The following PIGL variants were observed in gnomAD, a reference collection of about 807,000 sequenced individuals.
PIGL encodes phosphatidylinositol glycan anchor biosynthesis class L.
In PIGL, 22 loss-of-function variants were observed where a neutral mutation model predicts 31.1. The observed-to-expected ratio is 0.71, with a 90% CI of 0.51 to 1.01. PIGL has a LOEUF of 1.01. Among genes scored for constraint, PIGL ranks in the 50% least tolerant of loss-of-function variants. The pLI is 0.00. For missense variants in PIGL, 302 were observed against 315.9 expected, an observed-to-expected ratio of 0.96 and a Z score of 0.33; for synonymous variants, 131 against 117.4, an observed-to-expected ratio of 1.12 and a Z score of -0.75.
intron 2 of PIGL, among the ~76,000 whole-genome samples, chr17:16,289,910 G>C (rs553892069): frequency 6.6e-6 from 1 of 152,028 alleles, no homozygotes; most frequent in Admixed American, 6.6e-5. Context: ...CCAAGTAGCT[G>C]GGATTACAGG....
chr17:16,266,215 G>C (rs1600799680), intron 2 of PIGL, among the ~76,000 whole-genome samples: 1 of 151,918 alleles, frequency 6.6e-6, no homozygotes, highest in Non-Finnish European at 1.5e-5. Context: ...AGTGGTTCAA[G>C]AGCAGCCTGG....
At chr17:16,224,469 G>A (rs2092643141) in intron 1 of PIGL, among the ~76,000 whole-genome samples, 1 of 151,680 alleles carries the variant, frequency 6.6e-6, no homozygotes, top group African/African-American at 2.4e-5. Context: ...ACCACGCCCA[G>A]CTAATTTTTG....
chr17:16,305,682 C>T (rs2093023392), intron 3 of PIGL, among the ~76,000 whole-genome samples: 1 of 152,178 alleles, frequency 6.6e-6, no homozygotes, highest in Non-Finnish European at 1.5e-5. Flanking sequence ...ACTGCCTGCC[C>T]TCCAGCACCC....
intron 1 of PIGL, 183 bp downstream of exon 1, chr17:16,217,644 G>A: frequency 4.6e-5 from 24 of 520,342 alleles, no homozygotes; most frequent in South Asian, 2.5e-4. Flanking sequence ...GTGGGTTGGG[G>A]GACGTCGGCA....
intron 2 of PIGL, among the ~76,000 whole-genome samples, chr17:16,235,095 C>A (rs2092694280): frequency 6.6e-6 from 1 of 152,162 alleles, no homozygotes; most frequent in African/African-American, 2.4e-5. Context: ...CCCCAAGGTA[C>A]TTAGGTCTGC....
At chr17:16,223,723 GAAAAA>G (rs75822181) in intron 1 of PIGL, among the ~76,000 whole-genome samples, 2 of 132,616 alleles carry the variant, frequency 1.5e-5, no homozygotes, top group Non-Finnish European at 3.3e-5. Context: ...ATTTAAAAAA[GAAAAA>G]AAAAAAAGAA....
intron 2 of PIGL, among the ~76,000 whole-genome samples, chr17:16,273,909 A>G (rs1435990426): frequency 6.6e-6 from 1 of 152,202 alleles, no homozygotes. Flanking sequence ...TAGGGCAGAA[A>G]TGTCAGAGGC....
chr17:16,290,169 G>A (rs532392750), intron 2 of PIGL, among the ~76,000 whole-genome samples: 77 of 148,940 alleles, frequency 5.2e-4, no homozygotes, highest in African/African-American at 1.6e-3. Flanking sequence ...TGCAACCTCC[G>A]CCTCCTGGGT....
At chr17:16,320,946 T>TG (rs2093102986) in intron 6 of PIGL, among the ~76,000 whole-genome samples, 1 of 139,504 alleles carries the variant, frequency 7.2e-6, no homozygotes. Flanking sequence ...TTTTTTTTTT[T>TG]TTTTTTTTTG....
At chr17:16,252,580 A>G (rs1340069501) in intron 2 of PIGL, among the ~76,000 whole-genome samples, 2 of 149,380 alleles carry the variant, frequency 1.3e-5, no homozygotes, top group African/African-American at 2.4e-5. Flanking sequence ...ATATAATTAT[A>G]TAATTATATG....
chr17:16,289,542 A>G (rs2092951741), intron 2 of PIGL, among the ~76,000 whole-genome samples: 1 of 152,208 alleles, frequency 6.6e-6, no homozygotes, highest in Non-Finnish European at 1.5e-5. Context: ...AGAAATTTCC[A>G]TACTCTTTGA....
At chr17:16,229,031 G>A (rs897831037) in intron 1 of PIGL, among the ~76,000 whole-genome samples, 1 of 152,162 alleles carries the variant, frequency 6.6e-6, no homozygotes, top group African/African-American at 2.4e-5. Flanking sequence ...AGCACTTTGG[G>A]AGGCTGAAGT....
intron 2 of PIGL, among the ~76,000 whole-genome samples, chr17:16,266,500 AG>A (rs1466394509): frequency 1.3e-5 from 2 of 151,798 alleles, no homozygotes; most frequent in Non-Finnish European, 2.9e-5. Flanking sequence ...GAATTGAGTG[AG>A]GTGGTACTCA....
chr17:16,256,324 G>C (rs1405979659), intron 2 of PIGL, among the ~76,000 whole-genome samples: 2 of 150,592 alleles, frequency 1.3e-5, no homozygotes, highest in South Asian at 4.2e-4. Context: ...TAATATTGAG[G>C]GTTTTTTTGT....
chr17:16,279,151 T>C (rs1025067233), intron 2 of PIGL, among the ~76,000 whole-genome samples: 2 of 152,228 alleles, frequency 1.3e-5, no homozygotes, highest in African/African-American at 4.8e-5. Context: ...AGGGTTCACC[T>C]GGAAGATGTT....
chr17:16,253,875 C>G (rs2092782634), intron 2 of PIGL, among the ~76,000 whole-genome samples: 1 of 151,844 alleles, frequency 6.6e-6, no homozygotes, highest in African/African-American at 2.4e-5. Flanking sequence ...CCCAGGAGTT[C>G]AAGGCTGCAA....
At chr17:16,291,768 A>G (rs1439452117) in intron 2 of PIGL, among the ~76,000 whole-genome samples, 2 of 151,436 alleles carry the variant, frequency 1.3e-5, no homozygotes, top group Non-Finnish European at 2.9e-5. Context: ...GGGAGGCTGA[A>G]GCAGAAGAAT....
intron 3 of PIGL, among the ~76,000 whole-genome samples, chr17:16,304,015 A>C (rs986828669): frequency 6.6e-6 from 1 of 152,130 alleles, no homozygotes; most frequent in African/African-American, 2.4e-5. Flanking sequence ...CGCCCGGCCT[A>C]CTAACAAATT....
chr17:16,218,676 T>C (rs369719616), intron 1 of PIGL, among the ~76,000 whole-genome samples: 6 of 128,858 alleles, frequency 4.7e-5, no homozygotes, highest in African/African-American at 1.7e-4. Context: ...GCCAACTTAC[T>C]CTTTTTTTTT....
Sources: gnomAD v4.1 joint callset for allele counts (sites outside exome capture counted in the v4.1 genomes callset) on GRCh38, gnomAD v4.1.1 for gene constraint, MANE v1.5 for transcripts, NCBI Gene and HGNC (gene_info 2026-07-23, HGNC 2026-07-21) for gene names.